ZNF451: variants seen among roughly 807,000 people sequenced by gnomAD.
ZNF451 encodes the protein zinc finger protein 451.
ZNF451 carries 80 observed loss-of-function variants against 107.1 expected under a neutral mutation model. The ratio of observed to expected loss-of-function variants is 0.75; its 90% CI spans 0.62 to 0.90. The LOEUF is 0.90. Among genes scored for constraint, ZNF451 ranks in the 40% least tolerant of loss-of-function variants. The pLI, the probability that ZNF451 is intolerant of heterozygous loss-of-function variation, is 0.00. For synonymous variants in ZNF451, 362 were observed against 406.5 expected, an observed-to-expected ratio of 0.89 and a Z score of 1.32; for missense variants, 1,107 against 1,236.2, an observed-to-expected ratio of 0.90 and a Z score of 1.57.
At chr6:57,130,739 A>G (rs1244010511) in intron 5 of ZNF451, among the ~76,000 whole-genome samples, 1 of 152,186 alleles carries the variant, frequency 6.6e-6, no homozygotes, top group Non-Finnish European at 1.5e-5. Context: ...GAGCAGGTCA[A>G]GTGGGATCAA....
intron 7 of ZNF451, among the ~76,000 whole-genome samples, chr6:57,137,536 T>C (rs1331999580): frequency 6.6e-6 from 1 of 152,220 alleles, no homozygotes; most frequent in African/African-American, 2.4e-5. Context: ...AGTCATACTT[T>C]GAGTAGCAAG....
In ZNF451 at chr6:57,134,504, G is replaced by A. The variant is rs939369026; in HGVS notation, c.576-240G>A. On this transcript the variant is annotated intron_variant, in intron 6 of 14. Transcript: ENST00000370706. ...AAGAAATGTCTAAATCTATTTTACC[G>A]GATATTTAGTACATATGAAATCTTG... Among the ~76,000 whole-genome samples, 7 of 152,126 alleles carry A rather than the reference G, an allele frequency of 4.6e-5. No individual in the cohort carries two copies. The South Asian group carries it at 6.2e-4, about 13-fold the overall frequency.
chr6:57,155,992 C>T (rs1047817376), intron 13 of ZNF451, among the ~76,000 whole-genome samples: 8 of 151,854 alleles, frequency 5.3e-5, no homozygotes, highest in African/African-American at 4.8e-5. Context: ...TTCCTAGCAG[C>T]GCGATTTCAG....
chr6:57,147,160 A>T lies in ZNF451; in HGVS notation c.1075A>T (p.Ile359Leu). 1 of 1,614,052 alleles carries T rather than the reference A, an allele frequency of 6.2e-7. No homozygotes were observed. ...CATTACCCAGGTTGCAGAGAAATTC[A>T]TATTAAGAGGTTATTGTCCAGATTG... Reference protein sequence around the residue: ...KSITQVAEKFILRGYCPDCNQ... With the variant: ...KSITQVAEKFLLRGYCPDCNQ... Residue 359 changes from isoleucine (I) to leucine (L), a missense_variant, in exon 10 of 15, where the codon ATA becomes TTA. Coordinates refer to ENST00000370706, the MANE Select transcript of ZNF451 (RefSeq NM_001031623.3).
At chr6:57,144,082 G>A (rs1055275517) in intron 9 of ZNF451, among the ~76,000 whole-genome samples, 1 of 151,974 alleles carries the variant, frequency 6.6e-6, no homozygotes, top group Admixed American at 6.6e-5. Flanking sequence ...AGGTGGGGAG[G>A]TGATAGCTAA....
intron 3 of ZNF451, chr6:57,116,008 G>T (rs1195294776): frequency 6.6e-6 from 1 of 152,164 alleles, no homozygotes; most frequent in African/African-American, 2.4e-5. Context: ...AGCTTGAGAA[G>T]TGAATTCAGG....
chr6:57,127,892 G>T (rs1204255694), intron 4 of ZNF451, among the ~76,000 whole-genome samples: 2 of 152,160 alleles, frequency 1.3e-5, no homozygotes, highest in Non-Finnish European at 2.9e-5. Context: ...ATCTAGTTCA[G>T]CATTGTCATT....
intron 14 of ZNF451, among the ~76,000 whole-genome samples, chr6:57,167,540 C>T (rs965323794): frequency 4.6e-5 from 7 of 152,128 alleles, no homozygotes; most frequent in Non-Finnish European, 8.8e-5. Flanking sequence ...ACAGTTCATG[C>T]TAGTTTATTG....
At chr6:57,134,970 A>C (rs1831363072) in intron 7 of ZNF451, 100 bp downstream of exon 7, 1 of 955,732 alleles carries the variant, frequency 1.0e-6, no homozygotes, top group African/African-American at 1.6e-5. Context: ...ATTACCAGTG[A>C]TACACATAAG....
At position 57,148,442 on chromosome 6, in the gene ZNF451, A is replaced by G; in HGVS notation, c.2357A>G (p.Gln786Arg). 1 of 1,614,010 alleles carries G rather than the reference A, an allele frequency of 6.2e-7. No individual in the cohort carries two copies. Among genetic ancestry groups the G allele is most frequent in the Non-Finnish European group, 8.5e-7 (1 of 1,179,954 alleles). The change falls in exon 10 of 15, where the codon CAG (glutamine) becomes CGG (arginine). Residue 786 changes from glutamine (Q) to arginine (R), a missense_variant. Physicochemically the swap from Gln to Arg is conservative, Grantham distance 43. Around this residue, in one of 5 missense-constraint regions of ZNF451, gnomAD observed 608 missense variants for 649.2 expected, o/e 0.94. Coordinates refer to ENST00000370706, the MANE Select transcript of ZNF451 (RefSeq NM_001031623.3). ...GAAAAGAGTGATGAGGAGGAGCAGC[A>G]GTATGTAATCAAGTGTGGCACCTGC... Reference protein sequence around the residue: ...HKEKSDEEEQQYVIKCGTCTK... With the variant: ...HKEKSDEEEQRYVIKCGTCTK...
intron 9 of ZNF451, among the ~76,000 whole-genome samples, 190 bp from the exon 10 acceptor site, chr6:57,146,900 T>C (rs900669487): frequency 6.6e-6 from 1 of 152,200 alleles, no homozygotes; most frequent in African/African-American, 2.4e-5. Flanking sequence ...TAGAAATAGA[T>C]AAAGTGCAGA....
chr6:57,154,064 AC>A lies in ZNF451; in HGVS notation c.3070+18del. 1 of 1,613,710 alleles carries A rather than the reference AC, an allele frequency of 6.2e-7. No individual in the cohort carries two copies. Among genetic ancestry groups the A allele is most frequent in the Non-Finnish European group, 8.5e-7 (1 of 1,179,980 alleles). ...CCACCAAAGGTACGCAGCTGCAGTC[AC>A]AGTGCAAACCACCCAAGAGGAGGAG... On this transcript the variant is annotated intron_variant, in intron 13 of 14. Coordinates refer to ENST00000370706, the MANE Select transcript of ZNF451 (RefSeq NM_001031623.3).
chr6:57,153,389 G>A (rs1444539411), intron 12 of ZNF451, among the ~76,000 whole-genome samples: 2 of 151,156 alleles, frequency 1.3e-5, no homozygotes, highest in Non-Finnish European at 2.9e-5. Context: ...ATTTATGAAC[G>A]AGTTCTTTCT....
At chr6:57,102,195 A>G in intron 3 of ZNF451, 1 of 1,425,602 alleles carries the variant, frequency 7.0e-7, no homozygotes, top group Non-Finnish European at 9.1e-7. Context: ...AGATCATCTC[A>G]AAAACTGGAT....
In ZNF451 at chr6:57,134,397, G is replaced by A. The variant is rs890158178; in HGVS notation, c.576-347G>A. Among the ~76,000 whole-genome samples the A allele has an allele frequency of 2.0e-5, 3 of 152,180 alleles. 1 individual carries two copies. The highest frequency in any genetic ancestry group is 2.0e-4 in the Admixed American group (3 of 15,272). On this transcript the variant is annotated intron_variant, in intron 6 of 14. Coordinates refer to ENST00000370706, the MANE Select transcript of ZNF451 (RefSeq NM_001031623.3). ...TATTGCAGTGATGTATTTAAAGTTA[G>A]TTGTGAGTCTTATGGTAACCAAGGC...
At chr6:57,141,879 G>T in intron 8 of ZNF451, 69 bp from the exon 9 acceptor site, 2 of 1,384,932 alleles carry the variant, frequency 1.4e-6, no homozygotes, top group South Asian at 1.3e-5. Context: ...GAGAAGGGCT[G>T]AGGGGAGGAA....
At chr6:57,134,613 A>T in intron 6 of ZNF451, 131 bp from the exon 7 acceptor site, 1 of 690,336 alleles carries the variant, frequency 1.4e-6, no homozygotes, top group Non-Finnish European at 2.3e-6. Context: ...AACATTACTT[A>T]ATATTTCAGT....
intron 3 of ZNF451, among the ~76,000 whole-genome samples, chr6:57,120,665 G>T (rs750263622): frequency 6.6e-6 from 1 of 152,066 alleles, no homozygotes; most frequent in African/African-American, 2.4e-5. Flanking sequence ...CTTTTCATAT[G>T]CTTAATTTGT....
chr6:57,146,127 G>A (rs1283169566), intron 9 of ZNF451, among the ~76,000 whole-genome samples: 1 of 152,028 alleles, frequency 6.6e-6, no homozygotes, highest in Non-Finnish European at 1.5e-5. Context: ...ACTTCTTAAT[G>A]GGATTATTTG....
Sources: allele counts gnomAD v4.1 joint callset (sites outside exome capture counted in the v4.1 genomes callset), GRCh38; gene constraint gnomAD v4.1.1; regional missense constraint gnomAD v4.1.1; transcripts MANE v1.5; gene names NCBI Gene and HGNC (gene_info 2026-07-23, HGNC 2026-07-21).